The following FRY variants were observed in gnomAD, a reference collection of about 807,000 sequenced individuals.
FRY encodes the protein protein furry homolog.
In FRY, 128 loss-of-function variants were observed where a neutral mutation model predicts 348.4. The observed-to-expected ratio is 0.37, with a 90% CI of 0.32 to 0.43. FRY has a LOEUF of 0.43. Ranked by LOEUF, FRY falls within the 20% of genes least tolerant of loss-of-function variation. The probability of loss-of-function intolerance (pLI) is 1.00; values close to 1 mark genes in which losing one functional copy is unlikely to be tolerated. For synonymous variants in FRY, 1,370 were observed against 1,374.7 expected, an observed-to-expected ratio of 1.00 and a Z score of 0.08; for missense variants, 2,736 against 3,695.2, an observed-to-expected ratio of 0.74 and a Z score of 6.73.
In FRY at chr13:32,202,516, C is replaced by T. The variant is rs750171363; in HGVS notation, c.4007C>T (p.Pro1336Leu). 1 of 1,612,994 alleles carries T rather than the reference C, an allele frequency of 6.2e-7. No homozygotes were observed. The highest frequency in any genetic ancestry group is 1.7e-5 in the Admixed American group (1 of 59,996). The change falls in exon 31 of 61, where the codon CCC (proline) becomes CTC (leucine). Residue 1336 changes from proline (P) to leucine (L), a missense_variant. Physicochemically the swap from Pro to Leu is moderately conservative, Grantham distance 98. Transcript: ENST00000542859. ...LARMYPELTL[P>L]LFSEVSQRFP... Reference sequence around the variant, plus strand: ...AGGATGTACCCTGAGCTCACACTCCCCCTCTTCTCAGGTACCAGGCAATAG... The same window carrying T: ...AGGATGTACCCTGAGCTCACACTCCTCCTCTTCTCAGGTACCAGGCAATAG...
chr13:32,273,580 T>G (rs1888331012), intron 55 of FRY, among the ~76,000 whole-genome samples: 1 of 152,170 alleles, frequency 6.6e-6, no homozygotes. Flanking sequence ...GTGATGTACA[T>G]TAAGCTCTAA....
chr13:32,149,706 A>C, intron 13 of FRY, 42 bp from the exon 14 acceptor site: 1 of 1,185,828 alleles, frequency 8.4e-7, no homozygotes, highest in Non-Finnish European at 1.3e-6. Context: ...TGTTGAGTTT[A>C]TATTTTAACA....
At chr13:32,042,850 C>T (rs1416914873) in intron 1 of FRY, among the ~76,000 whole-genome samples, 1 of 152,212 alleles carries the variant, frequency 6.6e-6, no homozygotes, top group Admixed American at 6.5e-5. Flanking sequence ...GGCCCTGGCA[C>T]TGGGCTGGGT....
At position 32,149,734 on chromosome 13, in the gene FRY, T is replaced by C; in HGVS notation, c.1393-14T>C. 6.7e-7 allele frequency: 1 copy of C among 1,497,906 alleles called. No homozygotes were observed. Among genetic ancestry groups the C allele is most frequent in the Non-Finnish European group, 9.3e-7 (1 of 1,074,436 alleles). 92.8% of individuals were successfully genotyped at this position (1,497,906 alleles called of 1,614,324 possible). ...TTTTAACACTTTCATTTTGTGTTCT[T>C]GTTTTTACTACAGGAACGTTTAGAT... is the stretch of plus-strand genomic sequence containing the variant. On this transcript the variant is annotated splice_polypyrimidine_tract_variant and intron_variant, in intron 13 of 60. Transcript: ENST00000542859.
chr13:32,237,555 A>C lies in FRY; in HGVS notation c.5987A>C (p.Asp1996Ala). Residue 1996 changes from aspartate to alanine, a missense_variant, in exon 44 of 61, where the codon GAC (aspartate) becomes GCC (alanine). Asp to Ala is a moderately radical substitution (Grantham distance 126, BLOSUM62 -2). Transcript: ENST00000542859. The surrounding 1 kb of genome is among the most constrained non-coding windows in gnomAD (Gnocchi z 6.3). The stretch of plus-strand genomic sequence containing the variant: ...TTTGGTGTCATCGACCGATCCTCTG[A>C]CCCACCTCGAAGTGCCACACTGGAC... ...KKFGVIDRSS[D>A]PPRSATLDRI... is the part of the protein sequence containing the mutation. 6.2e-7 allele frequency: 1 copy of C among 1,614,078 alleles called. No homozygotes were observed. Among genetic ancestry groups the C allele is most frequent in the Non-Finnish European group, 8.5e-7 (1 of 1,180,010 alleles).
chr13:32,275,105 G>A (rs1888457084), intron 56 of FRY, 114 bp downstream of exon 56: 2 of 962,354 alleles, frequency 2.1e-6, no homozygotes, highest in East Asian at 5.2e-5. Context: ...CTGGCCGGGT[G>A]CGGTGGCTCA....
In FRY at chr13:32,041,270, A is replaced by C. The variant is rs146277056; in HGVS notation, c.70+9405A>C. 2.7e-3 allele frequency among the ~76,000 whole-genome samples: 412 copies of C among 151,182 alleles called. 4 individuals are homozygous for C. Among genetic ancestry groups the C allele is most frequent in the African/African-American group, 9.6e-3 (396 of 41,150 alleles). On this transcript the variant is annotated intron_variant, in intron 1 of 60. Transcript: ENST00000542859. ...GTATCACTTGTTCTAACACCCCTAA[A>C]ATTAATCTTCTGCTTTTTTTTTTTT... is the stretch of plus-strand genomic sequence containing the variant.
intron 3 of FRY, among the ~76,000 whole-genome samples, chr13:32,116,310 T>C (rs41526255): frequency 0.077 from 11,779 of 152,196 alleles, 503 homozygotes; most frequent in Middle Eastern, 0.099. Context: ...GCTTATACAG[T>C]TTGTTGATTA....
intron 20 of FRY, among the ~76,000 whole-genome samples, 188 bp downstream of exon 20, chr13:32,175,820 C>CA (rs1882325481): frequency 6.6e-6 from 1 of 152,124 alleles, no homozygotes; most frequent in African/African-American, 2.4e-5. Context: ...AAATTTCACA[C>CA]AAAATCTGGA....
In FRY at chr13:32,251,885, C is replaced by A; in HGVS notation, c.7178C>A (p.Thr2393Lys). The A allele has an allele frequency of 6.2e-7, 1 of 1,611,328 alleles. No homozygotes were observed. Among genetic ancestry groups the A allele is most frequent in the Non-Finnish European group, 8.5e-7 (1 of 1,177,514 alleles). Reference protein sequence around the residue: ...WKRPQYSQKRTKEKLVHVLSL... With the variant: ...WKRPQYSQKRKKEKLVHVLSL... ...CTTGTGTTTCTTTTCCAGAAGAGAA[C>A]AAAAGAGAAGTTGGTACATGTCCTT... Residue 2393 changes from threonine (T) to lysine (K), a missense_variant, in exon 50 of 61, where the codon ACA (threonine) becomes AAA (lysine). By Grantham distance (78) the Thr-to-Lys change is moderately conservative (BLOSUM62 -1). Around this residue, in one of 9 missense-constraint regions of FRY, gnomAD observed 789 missense variants for 996.2 expected, o/e 0.79. Coordinates refer to ENST00000542859, the MANE Select transcript of FRY (RefSeq NM_023037.3).
chr13:32,180,207 G>A (rs561255098), intron 23 of FRY, among the ~76,000 whole-genome samples: 2 of 152,050 alleles, frequency 1.3e-5, no homozygotes, highest in African/African-American at 4.8e-5. Context: ...AATGTGTTCA[G>A]TTCCATTGGT....
At chr13:32,041,283 CTTTTTT>C (rs11286980) in intron 1 of FRY, among the ~76,000 whole-genome samples, 3 of 65,046 alleles carry the variant, frequency 4.6e-5, no homozygotes, top group East Asian at 9.0e-4. Flanking sequence ...TAATCTTCTG[CTTTTTT>C]TTTTTTTTTT....
chr13:32,285,574 A>G (rs1889004204), intron 58 of FRY, among the ~76,000 whole-genome samples: 1 of 152,260 alleles, frequency 6.6e-6, no homozygotes, highest in Non-Finnish European at 1.5e-5. Flanking sequence ...TTTATTGAAC[A>G]GAAAAGATTT....
chr13:32,143,765 C>G (rs1479303154), intron 11 of FRY, among the ~76,000 whole-genome samples: 2 of 152,136 alleles, frequency 1.3e-5, no homozygotes, highest in Non-Finnish European at 2.9e-5. Flanking sequence ...GGCTACATTT[C>G]CCTTGTTTGC....
chr13:32,240,203 T>C (rs928851376), intron 46 of FRY, among the ~76,000 whole-genome samples: 1 of 152,240 alleles, frequency 6.6e-6, no homozygotes, highest in Non-Finnish European at 1.5e-5. Flanking sequence ...ATGTAGATAA[T>C]ATCATACAGA....
At chr13:32,283,231 G>T (rs1056938111) in intron 58 of FRY, among the ~76,000 whole-genome samples, 1 of 151,952 alleles carries the variant, frequency 6.6e-6, no homozygotes, top group Non-Finnish European at 1.5e-5. Flanking sequence ...TGAATAAGAA[G>T]ATCTAGCAAC....
intron 55 of FRY, among the ~76,000 whole-genome samples, chr13:32,274,474 G>C (rs376740243): frequency 4.7e-4 from 71 of 151,178 alleles, no homozygotes; most frequent in Non-Finnish European, 9.4e-4. Flanking sequence ...TTGGGAGGCC[G>C]AGGCGGGCGG....
chr13:32,272,409 A>G (rs1888250318), intron 55 of FRY, among the ~76,000 whole-genome samples: 1 of 152,250 alleles, frequency 6.6e-6, no homozygotes, highest in South Asian at 2.1e-4. Context: ...TGTTACTCAT[A>G]TGTGAGAATG....
At chr13:32,157,956 A>T (rs1173937045) in intron 16 of FRY, among the ~76,000 whole-genome samples, 1 of 152,238 alleles carries the variant, frequency 6.6e-6, no homozygotes, top group African/African-American at 2.4e-5. Context: ...TTAAGTTATA[A>T]TTCTATATTT....
Sources: gnomAD v4.1 joint callset for allele counts (sites outside exome capture counted in the v4.1 genomes callset) on GRCh38, gnomAD v4.1.1 for gene constraint, gnomAD v4.1.1 regional missense constraint, Gnocchi (gnomAD v3.1) non-coding constraint, MANE v1.5 for transcripts, NCBI Gene and HGNC (gene_info 2026-07-23, HGNC 2026-07-21) for gene names.